Variants in ENPP3 observed in about 807,000 individuals in gnomAD.
ENPP3 encodes ectonucleotide pyrophosphatase/phosphodiesterase family member 3.
A neutral mutation model predicts 117.8 loss-of-function variants in ENPP3; 104 were observed. The observed-to-expected ratio is 0.88, with a 90% CI of 0.75 to 1.04. The LOEUF (loss-of-function observed/expected upper bound fraction) is 1.04, where lower values mean the gene tolerates loss of function less well. Among genes scored for constraint, ENPP3 ranks in the 50% least tolerant of loss-of-function variants. The pLI is 0.00. For synonymous variants in ENPP3, 380 were observed against 349.9 expected (o/e 1.09, Z -0.96); for missense variants, 1,026 against 1,051.9 (o/e 0.98, Z 0.34).
intron 11 of ENPP3, among the ~76,000 whole-genome samples, chr6:131,679,057 C>CTTTCT (rs1778959440): frequency 8.0e-6 from 1 of 125,580 alleles, no homozygotes; most frequent in South Asian, 2.6e-4. Flanking sequence ...TTCTTTCTTT[C>CTTTCT]TTTCTTTCTT....
intron 20 of ENPP3, among the ~76,000 whole-genome samples, chr6:131,731,610 T>A (rs7765347): frequency 0.028 from 4,254 of 152,024 alleles, 191 homozygotes; most frequent in African/African-American, 0.096. Context: ...ATACTGTCTA[T>A]CCCTTTTTGC....
chr6:131,719,577 T>C (rs1779972087), intron 16 of ENPP3, among the ~76,000 whole-genome samples: 1 of 152,204 alleles, frequency 6.6e-6, no homozygotes, highest in Non-Finnish European at 1.5e-5. Context: ...TATGTAATAG[T>C]TAAATTAATT....
intron 6 of ENPP3, among the ~76,000 whole-genome samples, chr6:131,664,385 GTGTT>G (rs1343506483): frequency 6.6e-6 from 1 of 152,144 alleles, no homozygotes; most frequent in Non-Finnish European, 1.5e-5. Context: ...ACTGTGCAAT[GTGTT>G]TGTGTTTTAA....
At chr6:131,682,997 G>A (rs544916331) in intron 11 of ENPP3, 57 bp from the exon 12 acceptor site, 15 of 1,030,622 alleles carry the variant, frequency 1.5e-5, no homozygotes, top group African/African-American at 9.5e-5. Flanking sequence ...ATTAGATAAC[G>A]GTTTGGCTAA....
chr6:131,701,279 G>C, intron 15 of ENPP3: 1 of 1,511,696 alleles, frequency 6.6e-7, no homozygotes, highest in Non-Finnish European at 9.1e-7. Flanking sequence ...GTATGGTCCC[G>C]TTCCCCAGCA....
intron 14 of ENPP3, 104 bp downstream of exon 14, chr6:131,686,011 G>T: frequency 1.5e-5 from 7 of 473,960 alleles, no homozygotes; most frequent in South Asian, 5.7e-5. Flanking sequence ...TAAGCTACTT[G>T]GAATTTATTT....
intron 10 of ENPP3, among the ~76,000 whole-genome samples, chr6:131,677,027 G>A (rs975273979): frequency 7.2e-5 from 11 of 152,032 alleles, no homozygotes; most frequent in Non-Finnish European, 1.6e-4. Flanking sequence ...CTTGAGCCCA[G>A]GAGTCCCGGA....
In ENPP3 at chr6:131,740,348, C is replaced by T; in HGVS notation, c.2425C>T (p.Pro809Ser). 1 of 1,610,792 alleles carries T rather than the reference C, an allele frequency of 6.2e-7. No homozygotes were observed. The change falls in exon 24 of 25, where the codon CCT (proline) becomes TCT (serine). Residue 809 changes from proline to serine, a missense_variant. Physicochemically the swap from Pro to Ser is moderately conservative, Grantham distance 74 (BLOSUM62 -1). Coordinates refer to ENST00000357639, the MANE Select transcript of ENPP3 (RefSeq NM_005021.5). ...GCTGGATGTCCTACCCTTTATCATC[C>T]CTCACCGACCTACCAACGTGGAGAG... Reference protein sequence around the residue: ...GWLDVLPFIIPHRPTNVESCP... With the variant: ...GWLDVLPFIISHRPTNVESCP...
intron 8 of ENPP3, 57 bp from the exon 9 acceptor site, chr6:131,675,023 A>T: frequency 1.0e-6 from 1 of 981,528 alleles, no homozygotes; most frequent in Non-Finnish European, 1.7e-6. Flanking sequence ...CTAGTAAGGT[A>T]CACCATTTCT....
intron 6 of ENPP3, among the ~76,000 whole-genome samples, chr6:131,659,130 C>A (rs999322594): frequency 2.0e-5 from 3 of 152,220 alleles, no homozygotes; most frequent in African/African-American, 7.2e-5. Flanking sequence ...TTGGCCTTCA[C>A]ACAATTTAAT....
chr6:131,650,057 C>G lies in ENPP3; in HGVS notation c.185C>G (p.Ser62Ter). 1 of 1,613,958 alleles carries G rather than the reference C, an allele frequency of 6.2e-7. No homozygotes were observed. Among genetic ancestry groups the G allele is most frequent in the East Asian group, 2.2e-5 (1 of 44,874 alleles). ...TGCAGGAAGAAGTGCTTTGATGCAT[C>G]ATTTAGAGGACTGGAGAACTGCCGG... ...GSCRKKCFDASFRGLENCRCD... is the reference protein window; with the variant it reads ...GSCRKKCFDA The change falls in exon 3 of 25, where the codon TCA becomes TGA. Residue 62 changes from serine to a stop codon, truncating the protein, a stop_gained. Coordinates refer to ENST00000357639, the MANE Select transcript of ENPP3 (RefSeq NM_005021.5). LOFTEE classifies it high-confidence loss of function.
intron 1 of ENPP3, chr6:131,638,448 C>T (rs916494018): frequency 9.1e-6 from 4 of 440,576 alleles, no homozygotes; most frequent in Admixed American, 5.2e-5. Flanking sequence ...ATTTTTGAGA[C>T]AGGGTCTCTC....
chr6:131,645,107 C>A (rs1266962122), intron 2 of ENPP3, among the ~76,000 whole-genome samples: 1 of 152,222 alleles, frequency 6.6e-6, no homozygotes, highest in Non-Finnish European at 1.5e-5. Flanking sequence ...ACTTGCCAAC[C>A]AACCTATGCC....
chr6:131,638,273 C>T (rs977164666), intron 1 of ENPP3, among the ~76,000 whole-genome samples: 5 of 152,168 alleles, frequency 3.3e-5, no homozygotes, highest in African/African-American at 9.7e-5. Context: ...CTTGCTTCTA[C>T]CATGACATTG....
chr6:131,723,633 A>T (rs541542275), intron 18 of ENPP3, among the ~76,000 whole-genome samples: 141 of 152,254 alleles, frequency 9.3e-4, no homozygotes, highest in Non-Finnish European at 1.8e-3. Flanking sequence ...GCAGAATCTC[A>T]AGCCCTACCC....
Position 131,700,641 on chromosome 6 carries a change from G to A in ENPP3, c.1412+7017G>A, listed in dbSNP as rs753140520. Reference sequence around the variant, plus strand: ...TCTGGGTCCAACATACATGATAATGGCTGTGCCATAAACGAGTCCAATCAC... The same window carrying A: ...TCTGGGTCCAACATACATGATAATGACTGTGCCATAAACGAGTCCAATCAC... On this transcript the variant is annotated intron_variant, in intron 15 of 24. Transcript: ENST00000357639. The A allele has an allele frequency of 5.1e-6, 8 of 1,557,630 alleles. 2 individuals carry two copies. In the South Asian group the frequency reaches 9.3e-5, roughly 18 times the overall value.
intron 15 of ENPP3, among the ~76,000 whole-genome samples, chr6:131,716,214 T>C (rs1224804121): frequency 6.6e-6 from 1 of 152,220 alleles, no homozygotes; most frequent in Non-Finnish European, 1.5e-5. Flanking sequence ...TTATGACAGA[T>C]AGAATCAACT....
chr6:131,688,155 T>C (rs1779196660), intron 14 of ENPP3, among the ~76,000 whole-genome samples: 1 of 152,190 alleles, frequency 6.6e-6, no homozygotes, highest in African/African-American at 2.4e-5. Context: ...ATGTTACTAT[T>C]GTAATTGTTT....
rs149382568 is a variant in ENPP3 at position 131,746,706 on chromosome 6, ACTT to A, written c.2458-77_2458-75del. ...GGTAAAAATCATCGGCAAAAAGACA[ACTT>A]CTAAGCAATAAAAATATTTCTGTTC... On this transcript the variant is annotated intron_variant, in intron 24 of 24. Transcript: ENST00000357639. The A allele has an allele frequency of 4.8e-3, 6,141 of 1,267,740 alleles. 222 individuals are homozygous for A. In the African/African-American group the frequency reaches 0.082, roughly 17 times the overall value. 78.5% of individuals were successfully genotyped at this position (1,267,740 alleles called of 1,614,324 possible).
Sources: allele counts gnomAD v4.1 joint callset (sites outside exome capture counted in the v4.1 genomes callset), GRCh38; gene constraint gnomAD v4.1.1; transcripts MANE v1.5; gene names NCBI Gene and HGNC (gene_info 2026-07-23, HGNC 2026-07-21).